SPRY3: variants seen among roughly 807,000 people sequenced by gnomAD.
The protein encoded by SPRY3 is sprouty RTK signaling antagonist 3, also known as protein sprouty homolog 3.
A neutral mutation model predicts 20.2 loss-of-function variants in SPRY3; 15 were observed. The observed-to-expected ratio is 0.74, with a 90% CI of 0.50 to 1.14. SPRY3 has a LOEUF of 1.14. Ranked by LOEUF, SPRY3 falls within the 50% of genes most tolerant of loss-of-function variation. The pLI is 0.00. For missense variants in SPRY3, 364 were observed against 363.9 expected, an observed-to-expected ratio of 1.00 and a Z score of 0.00; for synonymous variants, 143 against 136.5, an observed-to-expected ratio of 1.05 and a Z score of -0.33.
At chrX:155,628,252 G>A (rs2067894444) in intron 1 of SPRY3, among the ~76,000 whole-genome samples, 1 of 112,016 alleles carries the variant, frequency 8.9e-6, no homozygotes, top group Non-Finnish European at 1.9e-5. Flanking sequence ...CACAATGGTT[G>A]AACTAATTTA....
At chrX:155,714,056 T>C (rs1160127272) in intron 2 of SPRY3, among the ~76,000 whole-genome samples, 1 of 152,166 alleles carries the variant, frequency 6.6e-6, no homozygotes, top group Non-Finnish European at 1.5e-5. Flanking sequence ...TTTAAGTTTT[T>C]AAATCTTTGT....
chrX:155,767,011 A>G (rs2091335223), intron 2 of SPRY3, among the ~76,000 whole-genome samples: 1 of 152,142 alleles, frequency 6.6e-6, no homozygotes, highest in Non-Finnish European at 1.5e-5. Context: ...ATTGGTAGAA[A>G]TGTGATTGGC....
rs181677314 is a variant in SPRY3 at position 155,644,051 on chromosome X, C to T, written c.-440-12816C>T. Reference sequence around the variant, plus strand: ...AAGTACTCCCTTTAACATTTCTTGTCGGGCAAGTCTGGTGTGGATGAAATC... The same window carrying T: ...AAGTACTCCCTTTAACATTTCTTGTTGGGCAAGTCTGGTGTGGATGAAATC... On this transcript the variant is annotated intron_variant, in intron 1 of 3. Coordinates refer to ENST00000675360, the Ensembl canonical transcript of SPRY3. Among the ~76,000 whole-genome samples the T allele has an allele frequency of 1.7e-3, 189 of 111,205 alleles. 2 individuals are homozygous for T. Among genetic ancestry groups the T allele is most frequent in the African/African-American group, 5.9e-3 (180 of 30,633 alleles).
intron 3 of SPRY3, among the ~76,000 whole-genome samples, chrX:155,768,837 C>T (rs1221615215): frequency 6.6e-6 from 1 of 152,210 alleles, no homozygotes; most frequent in Non-Finnish European, 1.5e-5. Flanking sequence ...CACTCACTTC[C>T]ATGAAGCTAA....
chrX:155,723,356 A>T (rs2091075073), intron 2 of SPRY3, among the ~76,000 whole-genome samples: 1 of 152,184 alleles, frequency 6.6e-6, no homozygotes, highest in Non-Finnish European at 1.5e-5. Flanking sequence ...AGGAATCGCC[A>T]CACTGTCTTC....
intron 1 of SPRY3, among the ~76,000 whole-genome samples, chrX:155,614,051 G>C (rs1162887748): frequency 8.9e-6 from 1 of 111,778 alleles, no homozygotes; most frequent in Non-Finnish European, 1.9e-5. Flanking sequence ...CATATCCAGA[G>C]TGTGAATGTA....
chrX:155,688,800 C>A (rs200631149), intron 2 of SPRY3, among the ~76,000 whole-genome samples: 756 of 58,725 alleles, frequency 0.013, 7 homozygotes, highest in African/African-American at 0.037. Flanking sequence ...TCACCTAGCT[C>A]TTTTCCCTAA....
intron 2 of SPRY3, among the ~76,000 whole-genome samples, chrX:155,661,206 T>G (rs1418238192): frequency 8.9e-6 from 1 of 112,185 alleles, no homozygotes; most frequent in African/African-American, 3.2e-5. Flanking sequence ...TTTCAGCATT[T>G]CTTGTAGGAC....
intron 2 of SPRY3, among the ~76,000 whole-genome samples, chrX:155,727,180 T>G (rs761233412): frequency 1.1e-3 from 164 of 152,336 alleles, no homozygotes; most frequent in African/African-American, 3.8e-3. Flanking sequence ...CCGCTGTTAG[T>G]CTGATGGGCT....
intron 2 of SPRY3, among the ~76,000 whole-genome samples, chrX:155,734,205 G>A (rs1251383364): frequency 1.3e-5 from 2 of 151,988 alleles, no homozygotes; most frequent in South Asian, 2.1e-4. Context: ...TCTAGCTTTT[G>A]ATTTAAAGGA....
intron 2 of SPRY3, among the ~76,000 whole-genome samples, chrX:155,692,935 G>A (rs888805430): frequency 9.1e-6 from 1 of 110,105 alleles, no homozygotes; most frequent in Admixed American, 9.7e-5. Flanking sequence ...TGATCTATCT[G>A]GATGTTTGTT....
chrX:155,699,268 T>C (rs1376303092), intron 2 of SPRY3, among the ~76,000 whole-genome samples: 7 of 111,311 alleles, frequency 6.3e-5, no homozygotes, highest in Non-Finnish European at 1.1e-4. Context: ...GGAGAAAGAA[T>C]GGTGCATGTG....
intron 1 of SPRY3, among the ~76,000 whole-genome samples, chrX:155,624,575 C>T (rs2067882337): frequency 9.2e-6 from 1 of 108,346 alleles, no homozygotes; most frequent in Admixed American, 1.0e-4. Flanking sequence ...ATCATCTATA[C>T]ATCTATTTGT....
chrX:155,672,939 A>C (rs1293184766), intron 2 of SPRY3, among the ~76,000 whole-genome samples: 2 of 105,751 alleles, frequency 1.9e-5, no homozygotes, highest in African/African-American at 6.9e-5. Context: ...ATTGGAAATC[A>C]TCATTCGTAG....
chrX:155,733,364 TA>T (rs35706379), intron 2 of SPRY3, among the ~76,000 whole-genome samples: 19,009 of 149,946 alleles, frequency 0.13, 2,048 homozygotes, highest in African/African-American at 0.31. Context: ...CATATATGTA[TA>T]ATGTATATAT....
chrX:155,673,127 A>G (rs781791176), intron 2 of SPRY3, among the ~76,000 whole-genome samples: 46 of 98,807 alleles, frequency 4.7e-4, no homozygotes, highest in Admixed American at 1.0e-3. Flanking sequence ...TGACAAGTTA[A>G]TGGGTGCAGC....
At chrX:155,768,353 G>C (rs150047088) in intron 3 of SPRY3, among the ~76,000 whole-genome samples, 54 of 152,280 alleles carry the variant, frequency 3.5e-4, no homozygotes, top group African/African-American at 1.3e-3. Context: ...CATTGGAAAT[G>C]TGTAAATCCA....
chrX:155,754,333 T>C (rs138501166), intron 2 of SPRY3, among the ~76,000 whole-genome samples: 6 of 152,152 alleles, frequency 3.9e-5, no homozygotes, highest in African/African-American at 1.2e-4. Flanking sequence ...TGCAGCACCA[T>C]TTGTTGAAGA....
At chrX:155,748,351 G>C (rs2091239310) in intron 2 of SPRY3, among the ~76,000 whole-genome samples, 1 of 151,820 alleles carries the variant, frequency 6.6e-6, no homozygotes, top group Admixed American at 6.6e-5. Context: ...TGTTTGCCCA[G>C]AAGTAGGTGG....
Sources: gnomAD v4.1 joint callset for allele counts (sites outside exome capture counted in the v4.1 genomes callset) on GRCh38, gnomAD v4.1.1 for gene constraint, MANE v1.5 for transcripts, NCBI Gene and HGNC (gene_info 2026-07-23, HGNC 2026-07-21) for gene names.